Variants in VILL observed in about 807,000 individuals in gnomAD.
The protein encoded by VILL is villin like.
In VILL, 102 loss-of-function variants were observed where a neutral mutation model predicts 106.3. That is an observed-to-expected ratio of 0.96 (90% CI 0.82 to 1.13). The LOEUF is 1.13. VILL is among the 50% of genes most tolerant of loss of function. The pLI is 0.00. For missense variants in VILL, 1,076 were observed against 1,116.6 expected (o/e 0.96, Z 0.52); for synonymous variants, 431 against 440.3 (o/e 0.98, Z 0.27).
In VILL at chr3:38,003,244, T is replaced by C. The variant is rs1175438625; in HGVS notation, c.1736T>C (p.Leu579Pro). Residue 579 changes from leucine (L) to proline (P), a missense_variant, in exon 15 of 20, where the codon CTG becomes CCG. Coordinates refer to ENST00000383759, the MANE Select transcript of VILL (RefSeq NM_015873.4). ...VISRKNEETV[L>P]EGQEPPHFWE... ...TCCAGGAAGAATGAGGAAACGGTGCTGGAGGGTCAGGAGCCTCCCCACTTC... is the reference window on the plus strand; with the variant it reads ...TCCAGGAAGAATGAGGAAACGGTGCCGGAGGGTCAGGAGCCTCCCCACTTC... The C allele has an allele frequency of 6.2e-7, 1 of 1,613,850 alleles. No individual in the cohort carries two copies. The highest frequency in any genetic ancestry group is 1.1e-5 in the South Asian group (1 of 91,066).
In VILL at chr3:37,998,074, G is replaced by A. The variant is rs1699738513; in HGVS notation, c.765-16G>A. 1 of 1,595,894 alleles carries A rather than the reference G, an allele frequency of 6.3e-7. No individual in the cohort carries two copies. Among genetic ancestry groups the A allele is most frequent in the Non-Finnish European group, 8.5e-7 (1 of 1,170,704 alleles). ...GAGGGGCTGGGCTGGCCACTCCTGG[G>A]TTCCTGTCCCCCCAGTGTCTATGAG... is the stretch of plus-strand genomic sequence containing the variant. On this transcript the variant is annotated splice_polypyrimidine_tract_variant and intron_variant, in intron 7 of 19. Transcript: ENST00000383759. This position sits in a 1 kb window ranked among gnomAD's most constrained non-coding sequence, Gnocchi z 4.1.
chr3:38,004,550 A>G, intron 16 of VILL, 151 bp downstream of exon 16: 2 of 1,032,686 alleles, frequency 1.9e-6, no homozygotes, highest in Non-Finnish European at 2.8e-6. Flanking sequence ...TGCGGTGCAT[A>G]TGAGACCATG....
At chr3:37,991,085 G>C (rs1044872076) in intron 1 of VILL, 1 of 152,326 alleles carries the variant, frequency 6.6e-6, no homozygotes, top group Non-Finnish European at 1.5e-5. Flanking sequence ...CACAAATTCA[G>C]TGTGCCTGCC....
intron 14 of VILL, 87 bp from the exon 15 acceptor site, chr3:38,003,081 C>A: frequency 6.6e-7 from 1 of 1,507,364 alleles, no homozygotes; most frequent in South Asian, 1.3e-5. Flanking sequence ...GGCCCAGCCC[C>A]ACCCCATACA....
Position 37,997,490 on chromosome 3 carries a change from C to G in VILL, c.569C>G (p.Ala190Gly). 1 of 1,613,752 alleles carries G rather than the reference C, an allele frequency of 6.2e-7. No individual in the cohort carries two copies. The highest frequency in any genetic ancestry group is 8.5e-7 in the Non-Finnish European group (1 of 1,179,992). ...CCAGGTCCTCTCCCGCAGGGGCTGGCTTTGACCTACAGCCTCCGGGACAGG... is the reference window on the plus strand; with the variant it reads ...CCAGGTCCTCTCCCGCAGGGGCTGGGTTTGACCTACAGCCTCCGGGACAGG... ...TSISEKARGL[A>G]LTYSLRDRER... The change falls in exon 7 of 20, where the codon GCT (alanine) becomes GGT (glycine). Residue 190 changes from alanine to glycine, a missense_variant. By Grantham distance (60) the Ala-to-Gly change is moderately conservative. Transcript: ENST00000383759. The surrounding 1 kb of genome is among the most constrained non-coding windows in gnomAD (Gnocchi z 4.7).
Position 38,003,200 on chromosome 3 carries a change from G to T in VILL, c.1692G>T (p.Arg564=). The stretch of plus-strand genomic sequence containing the variant: ...ATGGTGATCAGCGTGAGATGGCACG[G>T]GTGGTGGTCACTGTCATTTCCAGGA... The part of the protein sequence containing the change: ...GCNGDQREMA[R]VVVTVISRKN... Residue 564 remains arginine (R), a synonymous_variant, in exon 15 of 20, where the codon CGG becomes CGT. Transcript: ENST00000383759. 6.2e-7 allele frequency: 1 copy of T among 1,614,046 alleles called. No individual in the cohort carries two copies. The highest frequency in any genetic ancestry group is 8.5e-7 in the Non-Finnish European group (1 of 1,179,974).
In VILL at chr3:38,001,777, G is replaced by A. The variant is rs750312117; in HGVS notation, c.1396G>A (p.Val466Ile). The A allele has an allele frequency of 9.3e-6, 15 of 1,614,134 alleles. No homozygotes were observed. The highest frequency in any genetic ancestry group is 3.3e-5 in the Admixed American group (2 of 60,016). ...AEELDVMYGGVLVQEHVTMGS... is the reference protein window; with the variant it reads ...AEELDVMYGGILVQEHVTMGS... ...GGAACTAGATGTCATGTATGGTGGCGTCCTAGTACAGGAGCATGTGACCAT... is the reference window on the plus strand; with the variant it reads ...GGAACTAGATGTCATGTATGGTGGCATCCTAGTACAGGAGCATGTGACCAT... Residue 466 changes from valine (V) to isoleucine (I), a missense_variant, in exon 13 of 20, where the codon GTC (valine) becomes ATC (isoleucine). Val to Ile is a conservative substitution (Grantham distance 29, BLOSUM62 3). Transcript: ENST00000383759.
At chr3:38,000,153 T>G (rs1267735701) in intron 11 of VILL, among the ~76,000 whole-genome samples, 1 of 152,244 alleles carries the variant, frequency 6.6e-6, no homozygotes, top group African/African-American at 2.4e-5. Context: ...CCTGTGGTCT[T>G]GTGGGAACAG....
chr3:37,995,071 G>A (rs73060809), intron 4 of VILL, among the ~76,000 whole-genome samples: 1 of 152,168 alleles, frequency 6.6e-6, no homozygotes, highest in Non-Finnish European at 1.5e-5. Context: ...ACAAGTTTTT[G>A]TGTGGACAAA....
intron 1 of VILL, among the ~76,000 whole-genome samples, chr3:37,993,220 C>T (rs1487268621): frequency 1.3e-5 from 2 of 152,234 alleles, no homozygotes; most frequent in Admixed American, 6.5e-5. Flanking sequence ...AACCACAGAG[C>T]ACAGACTCGA....
At chr3:38,001,929 C>T (rs772358898) in intron 13 of VILL, 69 bp downstream of exon 13, 1 of 1,604,736 alleles carries the variant, frequency 6.2e-7, no homozygotes, top group South Asian at 1.1e-5. Flanking sequence ...CCCGCACACA[C>T]TTCTAAGCAC....
chr3:37,997,916 G>T lies in VILL; in HGVS notation c.765-174G>T, dbSNP rs1381959815. On this transcript the variant is annotated intron_variant, in intron 7 of 19. Transcript: ENST00000383759. This position sits in a 1 kb window ranked among gnomAD's most constrained non-coding sequence, Gnocchi z 4.7. ...ACTGTGGCGCCCTGCCAGGGCCAGG[G>T]AGCTGCCTAAAGCTCCACAGCAAGG... Among the ~76,000 whole-genome samples, 1 of 152,188 alleles carries T rather than the reference G, an allele frequency of 6.6e-6. No homozygotes were observed. The highest frequency in any genetic ancestry group is 1.5e-5 in the Non-Finnish European group (1 of 68,012).
chr3:38,001,414 G>A, intron 11 of VILL, 42 bp from the exon 12 acceptor site: 1 of 1,606,550 alleles, frequency 6.2e-7, no homozygotes, highest in South Asian at 1.1e-5. Context: ...GGCTGGTTCA[G>A]GAAGAGCAGC....
At chr3:37,993,875 T>TA (rs1231565294) in intron 2 of VILL, 23 bp from the exon 3 acceptor site, 4 of 1,614,100 alleles carry the variant, frequency 2.5e-6, no homozygotes, top group Non-Finnish European at 1.7e-6. Flanking sequence ...CCTGAGTTGT[T>TA]ACAGGGAACT....
In VILL at chr3:38,003,304, G is replaced by A. The variant is rs898382303; in HGVS notation, c.1796G>A (p.Ser599Asn). ...CTGGGAGGCCGGGCCCCCTACCCCA[G>A]CAACAAGAGGTAACAGGGTTGGGAG... is the stretch of plus-strand genomic sequence containing the variant. ...EALGGRAPYP[S>N]NKRLPEEVPS... is the part of the protein sequence containing the mutation. The change falls in exon 15 of 20, where the codon AGC becomes AAC. Residue 599 changes from serine (S) to asparagine (N), a missense_variant. Ser to Asn is a conservative substitution (Grantham distance 46). Coordinates refer to ENST00000383759, the MANE Select transcript of VILL (RefSeq NM_015873.4). The A allele has an allele frequency of 6.2e-7, 1 of 1,609,234 alleles. No homozygotes were observed. The highest frequency in any genetic ancestry group is 1.3e-5 in the African/African-American group (1 of 74,884).
chr3:37,994,342 C>T lies in VILL; in HGVS notation c.217C>T (p.Gln73Ter). The change falls in exon 4 of 20, where the codon CAG becomes TAG. Residue 73 changes from glutamine to a stop codon, truncating the protein, a stop_gained. Coordinates refer to ENST00000383759, the MANE Select transcript of VILL (RefSeq NM_015873.4). LOFTEE classifies it high-confidence loss of function. ...CGGGAAGCAGGCGGGTGCGGAAGCG[C>T]AGGGCGCTGCGGAGGCCTTCCAGCA... ...WVGKQAGAEA[Q>*]GAAEAFQQRL... 6.2e-7 allele frequency: 1 copy of T among 1,611,406 alleles called. No homozygotes were observed. The highest frequency in any genetic ancestry group is 1.7e-5 in the Admixed American group (1 of 59,948).
At position 37,994,356 on chromosome 3, in the gene VILL, G is replaced by A; in HGVS notation, c.231G>A (p.Glu77=). 1 of 1,611,720 alleles carries A rather than the reference G, an allele frequency of 6.2e-7. No homozygotes were observed. Among genetic ancestry groups the A allele is most frequent in the Non-Finnish European group, 8.5e-7 (1 of 1,179,660 alleles). ...QAGAEAQGAA[E]AFQQRLQDEL... ...GTGCGGAAGCGCAGGGCGCTGCGGA[G>A]GCCTTCCAGCAGCGCCTACAGGACG... Residue 77 remains glutamate (E), a synonymous_variant, in exon 4 of 20, where the codon GAG becomes GAA. Coordinates refer to ENST00000383759, the MANE Select transcript of VILL (RefSeq NM_015873.4).
intron 4 of VILL, among the ~76,000 whole-genome samples, chr3:37,995,094 C>T (rs1022392695): frequency 2.0e-5 from 3 of 152,118 alleles, no homozygotes; most frequent in Non-Finnish European, 4.4e-5. Flanking sequence ...TTTTCATTTC[C>T]CTTGGTATAT....
rs574242048 is a variant in VILL, at chr3:38,006,854, C to G, written c.2458-88C>G. ...GGCAAACAGATGCGGGAGTCCCAAG[C>G]CCTGGATGACTGACACTACTGAGTG... On this transcript the variant is annotated intron_variant, in intron 19 of 19. Transcript: ENST00000383759. 290 of 1,509,990 alleles carry G rather than the reference C, an allele frequency of 1.9e-4. 4 individuals carry two copies. In the South Asian group the frequency reaches 3.4e-3, roughly 18 times the overall value. The allele number at this position is 1,509,990 out of a possible 1,614,324, so 93.5% of individuals were successfully genotyped here.
Sources: gnomAD v4.1 joint callset for allele counts (sites outside exome capture counted in the v4.1 genomes callset) on GRCh38, gnomAD v4.1.1 for gene constraint, Gnocchi (gnomAD v3.1) non-coding constraint, MANE v1.5 for transcripts, NCBI Gene and HGNC (gene_info 2026-07-23, HGNC 2026-07-21) for gene names.